The following C3orf33 variants were observed in gnomAD, a reference collection of about 807,000 sequenced individuals.
C3orf33 encodes AP-1 activity suppressor.
In C3orf33, 23 loss-of-function variants were observed where a neutral mutation model predicts 28.7. The ratio of observed to expected loss-of-function variants is 0.80; its 90% CI spans 0.58 to 1.13. C3orf33 has a LOEUF of 1.13. Among genes scored for constraint, C3orf33 ranks in the 50% most tolerant of loss-of-function variants. The pLI is 0.00. For synonymous variants in C3orf33, 119 were observed against 120.5 expected, an observed-to-expected ratio of 0.99 and a Z score of 0.08; for missense variants, 327 against 353.4, an observed-to-expected ratio of 0.93 and a Z score of 0.60.
intron 2 of C3orf33, among the ~76,000 whole-genome samples, chr3:155,788,327 T>C (rs1005614752): frequency 6.6e-5 from 10 of 152,062 alleles, no homozygotes; most frequent in African/African-American, 2.4e-4. Context: ...TATTCCTTCA[T>C]GATAACACTT....
intron 2 of C3orf33, among the ~76,000 whole-genome samples, 169 bp from the exon 3 acceptor site, chr3:155,776,017 G>A (rs1045865335): frequency 2.8e-4 from 43 of 152,066 alleles, no homozygotes; most frequent in African/African-American, 1.0e-3. Flanking sequence ...AGTGTTTATG[G>A]AAACATTATT....
At chr3:155,788,429 A>G (rs1223926102) in intron 2 of C3orf33, among the ~76,000 whole-genome samples, 1 of 152,106 alleles carries the variant, frequency 6.6e-6, no homozygotes, top group Non-Finnish European at 1.5e-5. Context: ...TCATGCCTAT[A>G]ATCCTAGCAC....
intron 2 of C3orf33, among the ~76,000 whole-genome samples, chr3:155,777,765 G>A (rs73021524): frequency 6.6e-6 from 1 of 152,148 alleles, no homozygotes; most frequent in East Asian, 1.9e-4. Context: ...ATCTCACAAG[G>A]CAAGAAACAA....
At chr3:155,772,168 G>A (rs1750612644) in intron 3 of C3orf33, among the ~76,000 whole-genome samples, 1 of 152,122 alleles carries the variant, frequency 6.6e-6, no homozygotes, top group Admixed American at 6.6e-5. Context: ...TCGCACCACT[G>A]CACTCCAGCC....
intron 2 of C3orf33, among the ~76,000 whole-genome samples, chr3:155,782,177 A>C (rs1750945884): frequency 6.6e-6 from 1 of 151,964 alleles, no homozygotes. Flanking sequence ...AAAAAAAAAA[A>C]AAAAAGATAA....
chr3:155,776,947 T>C (rs1237378025), intron 2 of C3orf33, among the ~76,000 whole-genome samples: 1 of 151,932 alleles, frequency 6.6e-6, no homozygotes, highest in Non-Finnish European at 1.5e-5. Flanking sequence ...GGTGGCAAGA[T>C]ACTATAAAAT....
intron 3 of C3orf33, among the ~76,000 whole-genome samples, chr3:155,768,162 G>C (rs1292952482): frequency 6.6e-6 from 1 of 152,176 alleles, no homozygotes; most frequent in Non-Finnish European, 1.5e-5. Context: ...TTACAGGCGT[G>C]AGTCACCACG....
intron 3 of C3orf33, among the ~76,000 whole-genome samples, chr3:155,771,209 G>T (rs906178192): frequency 6.6e-6 from 1 of 151,856 alleles, no homozygotes; most frequent in Admixed American, 6.6e-5. Flanking sequence ...AGGCTCAAGC[G>T]ATCCTCCCAT....
chr3:155,787,122 C>A (rs1290737722), intron 2 of C3orf33, among the ~76,000 whole-genome samples: 1 of 152,128 alleles, frequency 6.6e-6, no homozygotes, highest in Non-Finnish European at 1.5e-5. Context: ...AAAGACACTG[C>A]AAGAAAACTA....
intron 2 of C3orf33, among the ~76,000 whole-genome samples, chr3:155,778,959 G>C (rs906002590): frequency 2.9e-4 from 44 of 152,146 alleles, no homozygotes; most frequent in Admixed American, 2.4e-3. Flanking sequence ...TATTCAAAAA[G>C]ATTCTGACAA....
At chr3:155,769,082 G>C (rs1750497293) in intron 3 of C3orf33, among the ~76,000 whole-genome samples, 1 of 152,180 alleles carries the variant, frequency 6.6e-6, no homozygotes, top group Non-Finnish European at 1.5e-5. Context: ...GGAGGCTGAG[G>C]CAGGTGGATC....
chr3:155,787,426 T>C (rs1214225657), intron 2 of C3orf33, among the ~76,000 whole-genome samples: 2 of 149,756 alleles, frequency 1.3e-5, no homozygotes, highest in African/African-American at 4.9e-5. Context: ...CTCGGCTCAC[T>C]GTGCAACCTC....
chr3:155,778,838 C>T (rs1443872137), intron 2 of C3orf33, among the ~76,000 whole-genome samples: 3 of 152,142 alleles, frequency 2.0e-5, no homozygotes, highest in Non-Finnish European at 4.4e-5. Context: ...ATCTATGGAA[C>T]TCTGACCTCC....
At chr3:155,764,844 A>T (rs1183449234) in intron 4 of C3orf33, among the ~76,000 whole-genome samples, 1 of 152,174 alleles carries the variant, frequency 6.6e-6, no homozygotes, top group Non-Finnish European at 1.5e-5. Context: ...TGACAGAGCA[A>T]GACTCCATCT....
At chr3:155,799,780 G>A (rs1751586588) in intron 2 of C3orf33, among the ~76,000 whole-genome samples, 1 of 152,144 alleles carries the variant, frequency 6.6e-6, no homozygotes, top group South Asian at 2.1e-4. Context: ...GGATGGAATG[G>A]AGGTCATTAT....
intron 2 of C3orf33, among the ~76,000 whole-genome samples, chr3:155,794,675 A>G (rs1034840896): frequency 2.0e-5 from 3 of 152,150 alleles, no homozygotes; most frequent in Non-Finnish European, 4.4e-5. Context: ...GATTGAAAAT[A>G]AAGAAATAGA....
At chr3:155,796,593 T>A (rs758850090) in intron 2 of C3orf33, among the ~76,000 whole-genome samples, 77 of 152,102 alleles carry the variant, frequency 5.1e-4, no homozygotes, top group Non-Finnish European at 9.9e-4. Context: ...ACCAAACGTT[T>A]AAGAGAAAAA....
At chr3:155,789,591 T>A (rs1041508375) in intron 2 of C3orf33, among the ~76,000 whole-genome samples, 12 of 151,360 alleles carry the variant, frequency 7.9e-5, no homozygotes, top group Non-Finnish European at 1.5e-4. Context: ...CCCAATGACT[T>A]TTTTTTTTCA....
intron 3 of C3orf33, among the ~76,000 whole-genome samples, chr3:155,774,736 T>C (rs930654544): frequency 6.6e-6 from 1 of 151,790 alleles, no homozygotes; most frequent in Non-Finnish European, 1.5e-5. Context: ...CAAGAAAATT[T>C]TTCTTCTTCC....
Sources: gnomAD v4.1 joint callset for allele counts (sites outside exome capture counted in the v4.1 genomes callset) on GRCh38, gnomAD v4.1.1 for gene constraint, MANE v1.5 for transcripts, NCBI Gene and HGNC (gene_info 2026-07-23, HGNC 2026-07-21) for gene names.